Variants in WIPF1 observed in about 807,000 individuals in gnomAD.
WIPF1 encodes the protein WAS/WASL-interacting protein family member 1.
In WIPF1, 13 loss-of-function variants were observed where a neutral mutation model predicts 35.4. The observed-to-expected ratio is 0.37, with a 90% CI of 0.24 to 0.58. The LOEUF is 0.58. Among genes scored for constraint, WIPF1 ranks in the 20% least tolerant of loss-of-function variants. The probability of loss-of-function intolerance (pLI) is 0.74; values close to 1 mark genes in which losing one functional copy is unlikely to be tolerated. For missense variants in WIPF1, 591 were observed against 667.0 expected (o/e 0.89, Z 1.25); for synonymous variants, 267 against 266.3 (o/e 1.00, Z -0.02).
chr2:174,611,765 T>C (rs1051861363), intron 1 of WIPF1, among the ~76,000 whole-genome samples: 1 of 152,336 alleles, frequency 6.6e-6, no homozygotes, highest in Non-Finnish European at 1.5e-5. Flanking sequence ...TTAACCCATA[T>C]GATGTTGAAT....
At chr2:174,611,607 C>T (rs533439942) in intron 1 of WIPF1, among the ~76,000 whole-genome samples, 95 of 152,288 alleles carry the variant, frequency 6.2e-4, no homozygotes, top group East Asian at 3.9e-3. Flanking sequence ...CCCTTGGTCT[C>T]ATGCAAGACA....
intron 3 of WIPF1, 162 bp from the exon 4 acceptor site, chr2:174,575,542 A>G (rs1685030739): frequency 7.8e-7 from 1 of 1,281,180 alleles, no homozygotes; most frequent in Non-Finnish European, 1.0e-6. Flanking sequence ...CAGCTCAGTC[A>G]GAACTGCCCG....
chr2:174,637,927 C>T (rs1687220138), intron 1 of WIPF1, among the ~76,000 whole-genome samples: 1 of 152,202 alleles, frequency 6.6e-6, no homozygotes, highest in Non-Finnish European at 1.5e-5. Context: ...GAAGTGCACA[C>T]TTAATGTCAT....
At chr2:174,670,288 G>A (rs773057353) in intron 1 of WIPF1, among the ~76,000 whole-genome samples, 2 of 152,124 alleles carry the variant, frequency 1.3e-5, no homozygotes, top group Non-Finnish European at 2.9e-5. Flanking sequence ...CCATCACAAG[G>A]AACCTCCTCC....
chr2:174,672,390 C>T (rs920512418), intron 1 of WIPF1, among the ~76,000 whole-genome samples: 1 of 152,142 alleles, frequency 6.6e-6, no homozygotes, highest in Non-Finnish European at 1.5e-5. Flanking sequence ...AAAACAACCT[C>T]GGTGCAATAG....
intron 1 of WIPF1, chr2:174,625,701 G>C (rs566593733): frequency 6.6e-6 from 1 of 152,316 alleles, no homozygotes; most frequent in South Asian, 2.1e-4. Flanking sequence ...AAATGCCAGT[G>C]TTATTCCAGG....
intron 1 of WIPF1, chr2:174,587,368 A>G (rs1209001671): frequency 1.3e-5 from 2 of 152,196 alleles, no homozygotes; most frequent in African/African-American, 4.8e-5. Context: ...CTTAGAATTT[A>G]AAATATTCAT....
At chr2:174,568,892 A>G (rs962078252) in intron 5 of WIPF1, 1 of 152,224 alleles carries the variant, frequency 6.6e-6, no homozygotes, top group African/African-American at 2.4e-5. Context: ...ATGTAGCAGT[A>G]TGGTATAACC....
At chr2:174,582,807 A>T (rs1360542519) in intron 2 of WIPF1, among the ~76,000 whole-genome samples, 1 of 152,260 alleles carries the variant, frequency 6.6e-6, no homozygotes, top group Non-Finnish European at 1.5e-5. Flanking sequence ...TTGCAGTGGT[A>T]AAGTTGGAAG....
intron 1 of WIPF1, among the ~76,000 whole-genome samples, chr2:174,667,185 G>A (rs1334841493): frequency 1.3e-5 from 2 of 152,230 alleles, no homozygotes; most frequent in Non-Finnish European, 2.9e-5. Flanking sequence ...AGGCCCGAAG[G>A]GAGGGAAGGA....
At chr2:174,587,545 T>G (rs547240419) in intron 1 of WIPF1, 2 of 152,272 alleles carry the variant, frequency 1.3e-5, no homozygotes, top group African/African-American at 4.8e-5. Context: ...ATTAAGACAG[T>G]TCGGAAGAGT....
intron 1 of WIPF1, among the ~76,000 whole-genome samples, chr2:174,593,098 A>G (rs1449639369): frequency 1.3e-5 from 2 of 152,046 alleles, no homozygotes; most frequent in South Asian, 4.1e-4. Context: ...GTTGTATTTA[A>G]CCACTAAAGG....
chr2:174,635,400 G>A (rs2045877454), intron 1 of WIPF1, among the ~76,000 whole-genome samples: 1 of 152,170 alleles, frequency 6.6e-6, no homozygotes, highest in South Asian at 2.1e-4. Flanking sequence ...CACCAGAAGA[G>A]TGCCGGCTGT....
At chr2:174,580,930 G>A (rs571749007) in intron 3 of WIPF1, among the ~76,000 whole-genome samples, 234 of 152,330 alleles carry the variant, frequency 1.5e-3, no homozygotes, top group African/African-American at 5.4e-3. Context: ...GCTTGGAGAT[G>A]GTACAGGATG....
At chr2:174,656,617 A>G (rs1687645956) in intron 1 of WIPF1, among the ~76,000 whole-genome samples, 1 of 152,232 alleles carries the variant, frequency 6.6e-6, no homozygotes, top group Admixed American at 6.5e-5. Flanking sequence ...CATTAAAGTT[A>G]AGAAGTCCAA....
intron 3 of WIPF1, among the ~76,000 whole-genome samples, chr2:174,576,637 GCAAA>G (rs1185098131): frequency 5.9e-5 from 9 of 152,128 alleles, no homozygotes; most frequent in East Asian, 1.9e-4. Flanking sequence ...TTGATGGGAG[GCAAA>G]CAAACAAACA....
chr2:174,604,278 CAGTTGCCCAAAGAGCT>C (rs1217868007), intron 1 of WIPF1, among the ~76,000 whole-genome samples: 1 of 152,208 alleles, frequency 6.6e-6, no homozygotes, highest in Non-Finnish European at 1.5e-5. Context: ...ACCACATAGG[CAGTTGCCCAAAGAGCT>C]GAGATCTCAA....
At chr2:174,576,375 C>CT (rs2105818887) in intron 3 of WIPF1, among the ~76,000 whole-genome samples, 1 of 152,042 alleles carries the variant, frequency 6.6e-6, no homozygotes, top group East Asian at 1.9e-4. Context: ...TCATTTAACA[C>CT]TTTGTTAGCA....
chr2:174,637,647 C>T (rs993534264), intron 1 of WIPF1, among the ~76,000 whole-genome samples: 1 of 152,164 alleles, frequency 6.6e-6, no homozygotes, highest in Non-Finnish European at 1.5e-5. Context: ...ATGAGCCGGG[C>T]ATGGTGGCGG....
Sources: allele counts gnomAD v4.1 joint callset (sites outside exome capture counted in the v4.1 genomes callset), GRCh38; gene constraint gnomAD v4.1.1; transcripts MANE v1.5; gene names NCBI Gene and HGNC (gene_info 2026-07-23, HGNC 2026-07-21).